Variants in FOXO1 observed in about 807,000 individuals in gnomAD.
FOXO1 encodes the protein forkhead box O1.
FOXO1 carries 6 observed loss-of-function variants against 44.1 expected under a neutral mutation model. The ratio of observed to expected loss-of-function variants is 0.14; its 90% CI spans 0.07 to 0.27. The LOEUF is 0.27. Among genes scored for constraint, FOXO1 ranks in the 10% least tolerant of loss-of-function variants. FOXO1 has a pLI of 1.00. For missense variants in FOXO1, 737 were observed against 888.8 expected, an observed-to-expected ratio of 0.83 and a Z score of 2.17; for synonymous variants, 380 against 362.7, an observed-to-expected ratio of 1.05 and a Z score of -0.54.
At chr13:40,592,505 G>C (rs1875419372) in intron 1 of FOXO1, among the ~76,000 whole-genome samples, 1 of 152,110 alleles carries the variant, frequency 6.6e-6, no homozygotes, top group Admixed American at 6.5e-5. Context: ...AAACCAGAAG[G>C]GTGCCCTGAT....
At chr13:40,614,215 T>A (rs762699852) in intron 1 of FOXO1, among the ~76,000 whole-genome samples, 4 of 152,158 alleles carry the variant, frequency 2.6e-5, no homozygotes, top group Non-Finnish European at 4.4e-5. Context: ...GCCAAACAGT[T>A]TGCTGTGTGC....
chr13:40,628,355 T>A (rs905701310), intron 1 of FOXO1, among the ~76,000 whole-genome samples: 1 of 102,732 alleles, frequency 9.7e-6, no homozygotes, highest in Non-Finnish European at 1.9e-5. Context: ...AAAGAGCTGT[T>A]TACACACACA....
chr13:40,603,941 A>G (rs1403033468), intron 1 of FOXO1, among the ~76,000 whole-genome samples: 1 of 152,232 alleles, frequency 6.6e-6, no homozygotes, highest in Non-Finnish European at 1.5e-5. Context: ...TCAGAGTGCC[A>G]TATACAATCA....
chr13:40,652,825 G>A (rs564560076), intron 1 of FOXO1, among the ~76,000 whole-genome samples: 3 of 152,178 alleles, frequency 2.0e-5, no homozygotes, highest in South Asian at 2.1e-4. Context: ...AGTATTTGAC[G>A]TTTACTTGTA....
At chr13:40,609,024 T>C (rs941176037) in intron 1 of FOXO1, among the ~76,000 whole-genome samples, 3 of 152,226 alleles carry the variant, frequency 2.0e-5, no homozygotes, top group African/African-American at 7.2e-5. Flanking sequence ...TTGGTATTTT[T>C]AATGGGCCTC....
At chr13:40,659,515 G>A (rs997047938) in intron 1 of FOXO1, among the ~76,000 whole-genome samples, 1 of 150,846 alleles carries the variant, frequency 6.6e-6, no homozygotes, top group African/African-American at 2.4e-5. Flanking sequence ...GACACATTTT[G>A]AACTTATGTC....
intron 1 of FOXO1, chr13:40,619,685 G>A: frequency 7.3e-7 from 1 of 1,365,068 alleles, no homozygotes; most frequent in South Asian, 1.2e-5. Context: ...AACATTCTAA[G>A]GACTAGGCTT....
intron 2 of FOXO1, 121 bp from the exon 3 acceptor site, chr13:40,559,155 G>C (rs1291599237): frequency 5.0e-6 from 2 of 402,932 alleles, no homozygotes; most frequent in Non-Finnish European, 8.8e-6. Context: ...CAAAAAGCTA[G>C]AGCTTTCTCA....
chr13:40,653,625 C>T (rs868639674), intron 1 of FOXO1, among the ~76,000 whole-genome samples: 6 of 152,156 alleles, frequency 3.9e-5, no homozygotes, highest in South Asian at 2.1e-4. Context: ...TCATTAGGCC[C>T]AAATAAGACT....
rs10623475 is a variant in FOXO1, at chr13:40,585,343, G to GCGCACACACACACACA, written c.631-24484_631-24483insTGTGTGTGTGTGTGCG. On this transcript the variant is annotated intron_variant, in intron 1 of 2. Coordinates refer to ENST00000379561, the MANE Select transcript of FOXO1 (RefSeq NM_002015.4). ...ATGTAAGTATTTCCTCTGCGCGCGC[G>GCGCACACACACACACA]CACACACACACACACACACACACAC... Among the ~76,000 whole-genome samples, 50 of 147,126 alleles carry GCGCACACACACACACA rather than the reference G, an allele frequency of 3.4e-4. No homozygotes were observed. In the South Asian group the frequency reaches 3.7e-3, roughly 11 times the overall value.
chr13:40,591,944 T>A (rs1216675255), intron 1 of FOXO1, among the ~76,000 whole-genome samples: 2 of 152,132 alleles, frequency 1.3e-5, no homozygotes, highest in Non-Finnish European at 2.9e-5. Flanking sequence ...GGGCCTCAAG[T>A]GATCCACCCG....
intron 1 of FOXO1, chr13:40,619,883 T>C: frequency 1.4e-6 from 1 of 719,908 alleles, no homozygotes. Flanking sequence ...GCAGCACATG[T>C]TTGGGAAAAT....
At chr13:40,621,311 G>A in intron 1 of FOXO1, 1 of 696,040 alleles carries the variant, frequency 1.4e-6, no homozygotes, top group Non-Finnish European at 2.2e-6. Flanking sequence ...CGATCTGTCA[G>A]CAGCCTGTTT....
chr13:40,663,483 G>C (rs1878099701), intron 1 of FOXO1, among the ~76,000 whole-genome samples: 1 of 152,088 alleles, frequency 6.6e-6, no homozygotes, highest in South Asian at 2.1e-4. Flanking sequence ...CTAAAGAATG[G>C]TGTAAGTACA....
chr13:40,653,801 A>G (rs1239654285), intron 1 of FOXO1, among the ~76,000 whole-genome samples: 1 of 152,174 alleles, frequency 6.6e-6, no homozygotes, highest in Non-Finnish European at 1.5e-5. Context: ...ACTCACCAGT[A>G]CTTACAAAGG....
At chr13:40,644,350 T>G (rs1340724427) in intron 1 of FOXO1, among the ~76,000 whole-genome samples, 1 of 152,152 alleles carries the variant, frequency 6.6e-6, no homozygotes, top group African/African-American at 2.4e-5. Flanking sequence ...GGGAGCCAAG[T>G]AGGCAAAGCT....
At chr13:40,609,435 G>A (rs1283033296) in intron 1 of FOXO1, among the ~76,000 whole-genome samples, 1 of 152,104 alleles carries the variant, frequency 6.6e-6, no homozygotes, top group East Asian at 1.9e-4. Context: ...AATTATGCAT[G>A]AGTATTTGTA....
At chr13:40,559,290 A>G (rs943362288) in intron 2 of FOXO1, among the ~76,000 whole-genome samples, 2 of 152,200 alleles carry the variant, frequency 1.3e-5, no homozygotes, top group African/African-American at 2.4e-5. Context: ...CGAACTGTCA[A>G]AAAGAAATCT....
intron 1 of FOXO1, among the ~76,000 whole-genome samples, chr13:40,604,100 G>A (rs1875910904): frequency 6.6e-6 from 1 of 151,976 alleles, no homozygotes; most frequent in South Asian, 2.1e-4. Context: ...GCAAAGACTG[G>A]GAAAACTACA....
Sources: gnomAD v4.1 joint callset for allele counts (sites outside exome capture counted in the v4.1 genomes callset) on GRCh38, gnomAD v4.1.1 for gene constraint, MANE v1.5 for transcripts, NCBI Gene and HGNC (gene_info 2026-07-23, HGNC 2026-07-21) for gene names.